The following FAAH2 variants were observed in gnomAD, a reference collection of about 807,000 sequenced individuals.
The protein encoded by FAAH2 is fatty acid amide hydrolase 2.
In FAAH2, 60 loss-of-function variants were observed where a neutral mutation model predicts 36.9. The ratio of observed to expected loss-of-function variants is 1.63; its 90% CI spans 1.32 to 2.02. FAAH2 has a LOEUF of 2.02. Ranked by LOEUF, FAAH2 falls within the 30% of genes most tolerant of loss-of-function variation. FAAH2 has a pLI of 0.00. For synonymous variants in FAAH2, 214 were observed against 143.8 expected (o/e 1.49, Z -3.49); for missense variants, 689 against 397.5 (o/e 1.73, Z -6.23).
chrX:57,379,676 G>T (rs897801196), intron 6 of FAAH2, among the ~76,000 whole-genome samples: 1 of 109,715 alleles, frequency 9.1e-6, no homozygotes, highest in South Asian at 3.9e-4. Context: ...ACTCTATGCC[G>T]CTTTTTGCCC....
the FAAH2 span, among the ~76,000 whole-genome samples, chrX:57,198,265 T>A: frequency 9.0e-6 from 1 of 111,506 alleles, no homozygotes; most frequent in East Asian, 2.8e-4. Context: ...CTGATGAGGA[T>A]GAGGCTGTGA....
At chrX:57,201,364 G>A in the FAAH2 span, among the ~76,000 whole-genome samples, 1 of 110,162 alleles carries the variant, frequency 9.1e-6, no homozygotes, top group Non-Finnish European at 1.9e-5. Context: ...TCTGCAGTGA[G>A]CCCAGATTGC....
intron 5 of FAAH2, among the ~76,000 whole-genome samples, chrX:57,346,882 AAT>A (rs767176177): frequency 9.0e-6 from 1 of 111,479 alleles, no homozygotes; most frequent in African/African-American, 3.3e-5. Flanking sequence ...GGATGCTGAC[AAT>A]ACACCCCCGT....
At chrX:57,387,065 C>T (rs1181341236) in intron 7 of FAAH2, among the ~76,000 whole-genome samples, 1 of 111,674 alleles carries the variant, frequency 9.0e-6, no homozygotes, top group African/African-American at 3.2e-5. Flanking sequence ...AAGTTGGTTC[C>T]ATAAGAGAAA....
intron 7 of FAAH2, chrX:57,395,107 G>A: frequency 1.8e-6 from 1 of 545,489 alleles, no homozygotes; most frequent in Non-Finnish European, 3.4e-6. Flanking sequence ...TGAGTCTAGA[G>A]ATAGCTGCAC....
chrX:57,467,051 T>C (rs2057063791), intron 10 of FAAH2, among the ~76,000 whole-genome samples: 1 of 111,360 alleles, frequency 9.0e-6, no homozygotes, highest in Non-Finnish European at 1.9e-5. Context: ...ATGATTTTTG[T>C]TACCCTCACC....
chrX:57,196,688 G>A, the FAAH2 span, among the ~76,000 whole-genome samples: 4 of 111,749 alleles, frequency 3.6e-5, no homozygotes, highest in Admixed American at 9.5e-5. Flanking sequence ...TGTTGGCTGT[G>A]GATATGCAAT....
chrX:57,306,994 G>GAT (rs770040896), intron 2 of FAAH2, among the ~76,000 whole-genome samples: 796 of 30,955 alleles, frequency 0.026, 133 homozygotes, highest in Admixed American at 0.052. Context: ...CACACACACA[G>GAT]ATACATATAT....
At chrX:57,436,510 C>A (rs888280608) in intron 8 of FAAH2, among the ~76,000 whole-genome samples, 2 of 108,316 alleles carry the variant, frequency 1.8e-5, no homozygotes, top group Non-Finnish European at 3.9e-5. Flanking sequence ...AGAGAGATTA[C>A]AACAAAATCA....
chrX:57,448,561 T>C lies in FAAH2; in HGVS notation c.1266T>C (p.Asn422=). The C allele has an allele frequency of 8.3e-7, 1 of 1,211,043 alleles. No homozygotes were observed. Among genetic ancestry groups the C allele is most frequent in the Non-Finnish European group, 1.1e-6 (1 of 895,103 alleles). ...ALLEEKLRYS[N]EKYQKFKAVE... ...TGGAAGAAAAGCTCAGATATAGCAA[T>C]GAGAAATACCAAAAGTTTAAGGCAG... is the stretch of plus-strand genomic sequence containing the variant. The change falls in exon 10 of 11, where the codon AAT becomes AAC. Residue 422 remains asparagine, a synonymous_variant. Coordinates refer to ENST00000374900, the MANE Select transcript of FAAH2 (RefSeq NM_174912.4).
chrX:57,402,782 C>A (rs1363260037), intron 7 of FAAH2, among the ~76,000 whole-genome samples: 1 of 112,001 alleles, frequency 8.9e-6, no homozygotes. Context: ...TCTGTGGCAC[C>A]AATCTCCATG....
chrX:57,391,399 A>C (rs998137607), intron 7 of FAAH2, among the ~76,000 whole-genome samples: 1 of 110,722 alleles, frequency 9.0e-6, no homozygotes, highest in African/African-American at 3.3e-5. Flanking sequence ...CCTCAATGTC[A>C]GAAGTTTTTT....
rs758688281 is a variant in FAAH2, at chrX:57,331,663, G to A, written c.478G>A (p.Val160Met). 1.7e-6 allele frequency: 2 copies of A among 1,211,698 alleles called. No homozygotes were observed. Among genetic ancestry groups the A allele is most frequent in the African/African-American group, 1.7e-5 (1 of 57,802 alleles). ...DAIAKTDATV[V>M]ALLKGAGAIP... ...CATTGCCAAAACAGATGCCACTGTG[G>A]TGGCATTACTGAAGGGAGCTGGTGC... The change falls in exon 4 of 11, where the codon GTG becomes ATG. Residue 160 changes from valine (V) to methionine (M), a missense_variant. Transcript: ENST00000374900.
the FAAH2 span, among the ~76,000 whole-genome samples, chrX:57,159,879 A>G: frequency 1.8e-5 from 2 of 111,456 alleles, no homozygotes; most frequent in East Asian, 2.8e-4. Context: ...CACTAGTTGA[A>G]TAGGAGTGGT....
At chrX:57,259,674 CTTAAG>C in the FAAH2 span, among the ~76,000 whole-genome samples, 1 of 111,791 alleles carries the variant, frequency 8.9e-6, no homozygotes, top group East Asian at 2.8e-4. Context: ...CAGAGTAAAT[CTTAAG>C]TTATCTCATT....
At chrX:57,137,297 G>T in the FAAH2 span, 1 of 759,922 alleles carries the variant, frequency 1.3e-6, no homozygotes, top group Non-Finnish European at 1.6e-6. Context: ...TGGCGAAGGA[G>T]GGTCAACAGG....
the FAAH2 span, among the ~76,000 whole-genome samples, chrX:57,164,262 A>T: frequency 8.9e-6 from 1 of 112,389 alleles, no homozygotes; most frequent in East Asian, 2.8e-4. Context: ...ACTTTGTAAG[A>T]CAACATTAAA....
chrX:57,288,919 T>C (rs1226594120), intron 1 of FAAH2, among the ~76,000 whole-genome samples: 2 of 111,513 alleles, frequency 1.8e-5, no homozygotes, highest in South Asian at 3.7e-4. Context: ...TTTATAAAAA[T>C]GTTCTGAAGG....
chrX:57,302,023 C>G (rs970988747), intron 2 of FAAH2, among the ~76,000 whole-genome samples: 3 of 111,990 alleles, frequency 2.7e-5, no homozygotes, highest in African/African-American at 9.7e-5. Context: ...TGGAAAAGTA[C>G]AAATTTGTTA....
Sources: gnomAD v4.1 joint callset for allele counts (sites outside exome capture counted in the v4.1 genomes callset) on GRCh38, gnomAD v4.1.1 for gene constraint, MANE v1.5 for transcripts, NCBI Gene and HGNC (gene_info 2026-07-23, HGNC 2026-07-21) for gene names.